TTN: variants seen among roughly 807,000 people sequenced by gnomAD.
TTN encodes the protein titin.
In TTN, 1,525 loss-of-function variants were observed where a neutral mutation model predicts 3,223.0. The observed-to-expected ratio is 0.47, with a 90% CI of 0.45 to 0.49. The LOEUF is 0.49. Among genes scored for constraint, TTN ranks in the 20% least tolerant of loss-of-function variants. The pLI is 0.00. For synonymous variants in TTN, 14,094 were observed against 15,161.0 expected, an observed-to-expected ratio of 0.93 and a Z score of 5.17; for missense variants, 40,786 against 43,424.0, an observed-to-expected ratio of 0.94 and a Z score of 5.40.
intron 234 of TTN, 23 bp downstream of exon 234, chr2:178,632,895 C>T (rs748552805): frequency 1.4e-5 from 22 of 1,611,500 alleles, no homozygotes; most frequent in Middle Eastern, 1.7e-4. Flanking sequence ...AATACAAAAA[C>T]GTGGCTGACA....
rs372093983 is a variant in TTN at position 178,748,542 on chromosome 2, G to C, written c.11311+4582C>G. ...GGATCTCCTATATGAGAATACATTTGTTTTAGATCAAATACAATGTTCTCA... is the reference window on the plus strand; with the variant it reads ...GGATCTCCTATATGAGAATACATTTCTTTTAGATCAAATACAATGTTCTCA... On this transcript the variant is annotated intron_variant, in intron 47 of 362. Transcript: ENST00000589042. 6.8e-6 allele frequency: 11 copies of C among 1,612,822 alleles called. No individual in the cohort carries two copies. In the African/African-American group the frequency reaches 1.5e-4, roughly 22 times the overall value.
intron 307 of TTN, 49 bp from the exon 308 acceptor site, chr2:178,586,856 T>C: frequency 6.3e-7 from 1 of 1,587,294 alleles, no homozygotes; most frequent in Non-Finnish European, 8.5e-7. Flanking sequence ...CCTAATCAAA[T>C]CCCCTTTGTT....
chr2:178,528,823 A>G lies in TTN; in HGVS notation c.106928T>C (p.Val35643Ala), dbSNP rs1339468653. 3 of 1,613,792 alleles carry G rather than the reference A, an allele frequency of 1.9e-6. No homozygotes were observed. The highest frequency in any genetic ancestry group is 1.3e-5 in the African/African-American group (1 of 74,920). Residue 35643 changes from valine to alanine, a missense_variant, in exon 360 of 363, where the codon GTA becomes GCA. Transcript: ENST00000589042. ...GTACTCCTCAGAGTTGGTAAGCTCT[A>G]CGCCATTCAGTACCCATTTCACATC... is the stretch of plus-strand genomic sequence containing the variant. Reference protein sequence around the residue: ...ATDVKWVLNGVELTNSEEYRY... With the variant: ...ATDVKWVLNGAELTNSEEYRY...
rs759304538 is a variant in TTN at position 178,531,019 on chromosome 2, T to C, written c.105596A>G (p.Tyr35199Cys). Reference protein sequence around the residue: ...SSVQASDEGNYSVVVENSEGK... With the variant: ...SSVQASDEGNCSVVVENSEGK... ...TTCACTGTTTTCTACCACCACGCTG[T>C]AATTGCCCTCATCGGAAGCCTGGAC... Residue 35199 changes from tyrosine to cysteine, a missense_variant, in exon 358 of 363, where the codon TAC becomes TGC. Transcript: ENST00000589042. The C allele has an allele frequency of 6.2e-7, 1 of 1,613,972 alleles. No homozygotes were observed. Among genetic ancestry groups the C allele is most frequent in the Non-Finnish European group, 8.5e-7 (1 of 1,179,888 alleles).
chr2:178,545,741 A>G lies in TTN; in HGVS notation c.95417-48T>C, dbSNP rs147802147. On this transcript the variant is annotated intron_variant, in intron 343 of 362. Transcript: ENST00000589042. ...TGAGAATTGCACAAAATTACTATTG[A>G]TAAGACTGCCCTTCTCCCTTCTCCC... 2.1e-3 allele frequency: 3,435 copies of G among 1,599,920 alleles called. 51 individuals are homozygous for G. Among genetic ancestry groups the G allele is most frequent in the South Asian group, 0.021 (1,884 of 89,256 alleles).
intron 321 of TTN, 151 bp downstream of exon 321, chr2:178,578,460 A>G (rs2046951575): frequency 1.6e-6 from 1 of 610,184 alleles, no homozygotes; most frequent in Admixed American, 3.6e-5. Context: ...TATTTTCAAT[A>G]AAATTAAACA....
Position 178,534,129 on chromosome 2 carries a change from A to G in TTN, c.102486T>C (p.Tyr34162=), listed in dbSNP as rs2154135680. Residue 34162 remains tyrosine (Y), a synonymous_variant, in exon 358 of 363, where the codon TAT becomes TAC. Coordinates refer to ENST00000589042, the MANE Select transcript of TTN (RefSeq NM_001267550.2). ...ACCAAGTCACTTGGGTAGACTGATC[A>G]TAATTTTCAATTTTGCATACATATT... ...HVKYVCKIEN[Y]DQSTQVTWYF... is the part of the protein sequence containing the mutation. 6.2e-7 allele frequency: 1 copy of G among 1,613,962 alleles called. No homozygotes were observed. The highest frequency in any genetic ancestry group is 8.5e-7 in the Non-Finnish European group (1 of 1,179,856).
chr2:178,547,658 G>A lies in TTN; in HGVS notation c.93968C>T (p.Ala31323Val), dbSNP rs200345129. The part of the protein sequence containing the change: ...TGPIEVSSVS[A>V]ESCVLSWGEP... ...TCCCCATGACAGGACACACGATTCA[G>A]CTGAGACAGATGAGACCTCAATGGG... is the stretch of plus-strand genomic sequence containing the variant. The change falls in exon 339 of 363, where the codon GCT becomes GTT. Residue 31323 changes from alanine (A) to valine (V), a missense_variant. Physicochemically the swap from Ala to Val is moderately conservative, Grantham distance 64. Transcript: ENST00000589042. 8.3e-5 allele frequency: 134 copies of A among 1,613,778 alleles called. No individual in the cohort carries two copies. Among genetic ancestry groups the A allele is most frequent in the Non-Finnish European group, 1.1e-4 (124 of 1,179,820 alleles).
intron 326 of TTN, 49 bp from the exon 327 acceptor site, chr2:178,558,686 T>C: frequency 6.4e-7 from 1 of 1,560,194 alleles, no homozygotes; most frequent in South Asian, 1.2e-5. Flanking sequence ...TACAGCACTT[T>C]TAAATGTGCA....
rs774790424 is a variant in TTN, at chr2:178,535,333, C to T, written c.101282G>A (p.Arg33761Gln). The change falls in exon 358 of 363, where the codon CGG becomes CAG. Residue 33761 changes from arginine (R) to glutamine (Q), a missense_variant. By Grantham distance (43) the Arg-to-Gln change is conservative. Coordinates refer to ENST00000589042, the MANE Select transcript of TTN (RefSeq NM_001267550.2). ...NLFGKTSYQFRVIAENKFGLS... is the reference protein window; with the variant it reads ...NLFGKTSYQFQVIAENKFGLS... ...ACCAAATTTATTTTCAGCTATTACC[C>T]GGAACTGGTAACTTGTTTTTCCAAA... 1.2e-5 allele frequency: 20 copies of T among 1,613,754 alleles called. No homozygotes were observed. The highest frequency in any genetic ancestry group is 2.2e-5 in the East Asian group (1 of 44,894).
At position 178,551,899 on chromosome 2, in the gene TTN, T is replaced by C; in HGVS notation, c.91001A>G (p.Tyr30334Cys). Residue 30334 changes from tyrosine (Y) to cysteine (C), a missense_variant, in exon 335 of 363, where the codon TAC becomes TGC. By Grantham distance (194) the Tyr-to-Cys change is radical (BLOSUM62 -2). Coordinates refer to ENST00000589042, the MANE Select transcript of TTN (RefSeq NM_001267550.2). ...IPGPPGKPVIYNVTSDGMSLT... is the reference protein window; with the variant it reads ...IPGPPGKPVICNVTSDGMSLT... ...TGACATGCCATCAGAAGTCACATTGTATATAACTGGCTTTCCTGGGGGACC... is the reference window on the plus strand; with the variant it reads ...TGACATGCCATCAGAAGTCACATTGCATATAACTGGCTTTCCTGGGGGACC... 1 of 1,613,872 alleles carries C rather than the reference T, an allele frequency of 6.2e-7. No individual in the cohort carries two copies. The highest frequency in any genetic ancestry group is 8.5e-7 in the Non-Finnish European group (1 of 1,179,786).
chr2:178,734,758 C>T lies in TTN; in HGVS notation c.15166G>A (p.Ala5056Thr), dbSNP rs763353350. 6.2e-7 allele frequency: 1 copy of T among 1,613,514 alleles called. No homozygotes were observed. The highest frequency in any genetic ancestry group is 2.2e-5 in the East Asian group (1 of 44,858). ...VEDSGSYSCE[A>T]VNDVGSDSCS... ...CTATCACTGCCGACGTCATTCACTG[C>T]TTCACATGAGTAACTCCCACTGTCT... The change falls in exon 51 of 363, where the codon GCA becomes ACA. Residue 5056 changes from alanine to threonine, a missense_variant. Transcript: ENST00000589042.
intron 13 of TTN, among the ~76,000 whole-genome samples, chr2:178,787,069 T>C (rs1242353368): frequency 6.6e-6 from 1 of 151,990 alleles, no homozygotes; most frequent in Non-Finnish European, 1.5e-5. Context: ...ATTTTAAAAG[T>C]ACATTTTAAA....
Position 178,562,845 on chromosome 2 carries a change from C to T in TTN, c.83287G>A (p.Val27763Ile), listed in dbSNP as rs1390356312. 2 of 1,612,976 alleles carry T rather than the reference C, an allele frequency of 1.2e-6. No homozygotes were observed. The highest frequency in any genetic ancestry group is 1.1e-5 in the South Asian group (1 of 91,018). ...ACAGGGGCACTTGGTGAGTCAAGAA[C>T]TCTGACGTTAACAAAAGCTGTTTTG... is the stretch of plus-strand genomic sequence containing the variant. ...GSKTAFVNVR[V>I]LDSPSAPVNL... The change falls in exon 326 of 363, where the codon GTT becomes ATT. Residue 27763 changes from valine (V) to isoleucine (I), a missense_variant. Transcript: ENST00000589042.
chr2:178,676,852 T>A (rs1309528633), intron 147 of TTN, among the ~76,000 whole-genome samples: 1 of 151,702 alleles, frequency 6.6e-6, no homozygotes, highest in Non-Finnish European at 1.5e-5. Context: ...AAGGAAGAAA[T>A]TTAAGAATAT....
intron 349 of TTN, 87 bp from the exon 350 acceptor site, chr2:178,541,671 G>T (rs1399027624): frequency 1.5e-6 from 2 of 1,293,826 alleles, no homozygotes; most frequent in East Asian, 5.4e-5. Context: ...TTAGGTTTTG[G>T]TTGGTATTTT....
Position 178,579,676 on chromosome 2 carries a change from C to G in TTN, c.67521G>C (p.Gln22507His). ...CTTCAGTCAAATCTTTTGCAGAGTA[C>G]TGTAGGCTTAAGGATTTCATAACTC... ...WQRVMKSLSL[Q>H]YSAKDLTEGK... is the part of the protein sequence containing the mutation. The change falls in exon 319 of 363, where the codon CAG (glutamine) becomes CAC (histidine). Residue 22507 changes from glutamine to histidine, a missense_variant. Coordinates refer to ENST00000589042, the MANE Select transcript of TTN (RefSeq NM_001267550.2). 6.2e-7 allele frequency: 1 copy of G among 1,613,304 alleles called. No individual in the cohort carries two copies. Among genetic ancestry groups the G allele is most frequent in the Non-Finnish European group, 8.5e-7 (1 of 1,179,518 alleles).
At position 178,552,997 on chromosome 2, in the gene TTN, T is replaced by C; in HGVS notation, c.89903A>G (p.Tyr29968Cys). The change falls in exon 335 of 363, where the codon TAT (tyrosine) becomes TGT (cysteine). Residue 29968 changes from tyrosine (Y) to cysteine (C), a missense_variant. Physicochemically the swap from Tyr to Cys is radical, Grantham distance 194. Transcript: ENST00000589042. ...GGTGGCATCTCTCTTTTCAATGACA[T>C]AATTAATTATTGGAGATCCTCCATC... The part of the protein sequence containing the change: ...LIDGGSPIIN[Y>C]VIEKRDATKR... 1 of 1,611,900 alleles carries C rather than the reference T, an allele frequency of 6.2e-7. No individual in the cohort carries two copies. The highest frequency in any genetic ancestry group is 1.1e-5 in the South Asian group (1 of 91,072).
In TTN at chr2:178,534,061, A is replaced by G. The variant is rs1280013764; in HGVS notation, c.102554T>C (p.Ile34185Thr). 1 of 1,613,928 alleles carries G rather than the reference A, an allele frequency of 6.2e-7. No individual in the cohort carries two copies. Among genetic ancestry groups the G allele is most frequent in the Non-Finnish European group, 8.5e-7 (1 of 1,179,856 alleles). Reference protein sequence around the residue: ...RQLENSEKYEITYEDGVAILY... With the variant: ...RQLENSEKYETTYEDGVAILY... The stretch of plus-strand genomic sequence containing the variant: ...GATGGCCACTCCATCTTCGTAGGTG[A>G]TTTCGTATTTCTCACTGTTCTCCAG... The change falls in exon 358 of 363, where the codon ATC becomes ACC. Residue 34185 changes from isoleucine to threonine, a missense_variant. By Grantham distance (89) the Ile-to-Thr change is moderately conservative. Transcript: ENST00000589042.
Sources: allele counts gnomAD v4.1 joint callset (sites outside exome capture counted in the v4.1 genomes callset), GRCh38; gene constraint gnomAD v4.1.1; transcripts MANE v1.5; gene names NCBI Gene and HGNC (gene_info 2026-07-23, HGNC 2026-07-21).